BMPER: variants seen among roughly 807,000 people sequenced by gnomAD.
BMPER encodes the protein BMP-binding endothelial regulator protein.
In BMPER, 45 loss-of-function variants were observed where a neutral mutation model predicts 87.3. The ratio of observed to expected loss-of-function variants is 0.52; its 90% confidence interval spans 0.41 to 0.66. The LOEUF is 0.66. Ranked by LOEUF, BMPER falls within the 30% of genes least tolerant of loss-of-function variation. The probability of loss-of-function intolerance (pLI) is 0.00; values close to 1 mark genes in which losing one functional copy is unlikely to be tolerated. For missense variants in BMPER, 784 were observed against 867.5 expected (o/e 0.90, Z 1.21); for synonymous variants, 326 against 316.2 (o/e 1.03, Z -0.33).
intron 13 of BMPER, among the ~76,000 whole-genome samples, chr7:34,130,347 A>G (rs1236980694): frequency 1.3e-5 from 2 of 151,678 alleles, no homozygotes; most frequent in Non-Finnish European, 2.9e-5. Context: ...TGGCCACACC[A>G]CTCTTGTAAA....
intron 12 of BMPER, among the ~76,000 whole-genome samples, 198 bp from the exon 13 acceptor site, chr7:34,085,558 C>T (rs1014090519): frequency 6.6e-6 from 1 of 152,116 alleles, no homozygotes; most frequent in Admixed American, 6.6e-5. Context: ...TTCTAAGCTC[C>T]AACCAGCAAA....
Position 34,055,384 on chromosome 7 carries a change from G to A in BMPER, c.927+81G>A, listed in dbSNP as rs539802782. 115 of 1,567,712 alleles carry A rather than the reference G, an allele frequency of 7.3e-5. 1 individual carries two copies. In the South Asian group the frequency reaches 1.2e-3, roughly 17 times the overall value. ...AAGCTCCAGACACTAGGCAGATTGG[G>A]TTATCCCATAATTTCTATATACATA... On this transcript the variant is annotated intron_variant, in intron 9 of 14. Transcript: ENST00000649409.
chr7:34,122,199 T>C (rs1036381863), intron 13 of BMPER, among the ~76,000 whole-genome samples: 5 of 152,142 alleles, frequency 3.3e-5, no homozygotes, highest in Non-Finnish European at 5.9e-5. Flanking sequence ...TAGTAAGATA[T>C]CTGGGCTCCA....
At chr7:34,138,005 A>T (rs949210016) in intron 13 of BMPER, among the ~76,000 whole-genome samples, 12 of 152,120 alleles carry the variant, frequency 7.9e-5, no homozygotes, top group African/African-American at 2.9e-4. Flanking sequence ...ATCTAATAGC[A>T]CTCTCTTCAG....
At chr7:33,980,268 C>A (rs1490627112) in intron 6 of BMPER, among the ~76,000 whole-genome samples, 2 of 152,226 alleles carry the variant, frequency 1.3e-5, no homozygotes, top group Non-Finnish European at 2.9e-5. Context: ...GTCCTATTAG[C>A]TGTTCCATAT....
At chr7:34,004,964 A>G (rs545400887) in intron 6 of BMPER, among the ~76,000 whole-genome samples, 2 of 152,272 alleles carry the variant, frequency 1.3e-5, no homozygotes, top group South Asian at 2.1e-4. Context: ...AAAGCCCCCT[A>G]TAGACATCCT....
intron 2 of BMPER, among the ~76,000 whole-genome samples, chr7:33,928,959 C>T (rs1259684587): frequency 1.3e-5 from 2 of 152,160 alleles, no homozygotes; most frequent in Non-Finnish European, 2.9e-5. Context: ...TTCTTTCCTC[C>T]ACCCCCCTGC....
intron 2 of BMPER, among the ~76,000 whole-genome samples, chr7:33,936,521 T>G (rs1468096738): frequency 6.6e-6 from 1 of 152,246 alleles, no homozygotes; most frequent in Non-Finnish European, 1.5e-5. Context: ...CGCCGCTTGA[T>G]AAATCTCACA....
At chr7:34,052,377 AC>A (rs1788169275) in intron 8 of BMPER, among the ~76,000 whole-genome samples, 1 of 152,324 alleles carries the variant, frequency 6.6e-6, no homozygotes, top group South Asian at 2.1e-4. Context: ...ACAAAGATAA[AC>A]CTGGCAGTTT....
At position 34,039,323 on chromosome 7, in the gene BMPER, A is replaced by G. The variant is rs183821548; in HGVS notation, c.577-6983A>G. On this transcript the variant is annotated intron_variant, in intron 6 of 14. Coordinates refer to ENST00000649409, the MANE Select transcript of BMPER (RefSeq NM_001365308.1). ...TCCAGGAAAGTTATTAAAAATGCGC[A>G]TTCCTGGACTGTGGTTTGAGGAATC... Among the ~76,000 whole-genome samples the G allele has an allele frequency of 5.3e-5, 8 of 152,252 alleles. No individual in the cohort carries two copies. In the South Asian group the frequency reaches 1.7e-3, roughly 32 times the overall value.
Position 34,058,089 on chromosome 7 carries a change from A to G in BMPER, c.958A>G (p.Thr320Ala). 6.2e-7 allele frequency: 1 copy of G among 1,614,124 alleles called. No individual in the cohort carries two copies. Among genetic ancestry groups the G allele is most frequent in the Non-Finnish European group, 8.5e-7 (1 of 1,179,998 alleles). ...AGAGATGTGGTCCTCTATCAATTGT[A>G]CCATCTGTGCTTGTGTGAAAGGCAG... Reference protein sequence around the residue: ...DGEMWSSINCTICACVKGRTE... With the variant: ...DGEMWSSINCAICACVKGRTE... Residue 320 changes from threonine (T) to alanine (A), a missense_variant, in exon 10 of 15, where the codon ACC becomes GCC. Thr to Ala is a moderately conservative substitution (Grantham distance 58). Coordinates refer to ENST00000649409, the MANE Select transcript of BMPER (RefSeq NM_001365308.1).
intron 3 of BMPER, among the ~76,000 whole-genome samples, chr7:33,945,109 T>C (rs1038672214): frequency 6.6e-6 from 1 of 151,924 alleles, no homozygotes; most frequent in Non-Finnish European, 1.5e-5. Flanking sequence ...GCCCGGCTAA[T>C]TTTTTGTATT....
intron 14 of BMPER, among the ~76,000 whole-genome samples, chr7:34,146,490 A>G (rs1408104791): frequency 2.6e-5 from 4 of 152,224 alleles, no homozygotes; most frequent in Non-Finnish European, 5.9e-5. Flanking sequence ...CTATAGTGAA[A>G]GTATATAAAA....
At chr7:34,121,075 C>G (rs1790253727) in intron 13 of BMPER, among the ~76,000 whole-genome samples, 1 of 150,434 alleles carries the variant, frequency 6.6e-6, no homozygotes, top group Non-Finnish European at 1.5e-5. Context: ...TTAATGTATA[C>G]TTATAGATTA....
intron 6 of BMPER, among the ~76,000 whole-genome samples, chr7:34,005,862 G>T (rs1290823844): frequency 6.6e-6 from 1 of 151,870 alleles, no homozygotes; most frequent in East Asian, 1.9e-4. Context: ...TTAAGTGCTA[G>T]GAAAGCTCTT....
intron 3 of BMPER, among the ~76,000 whole-genome samples, chr7:33,943,531 A>G (rs141238845): frequency 1.0e-3 from 154 of 152,184 alleles, no homozygotes; most frequent in African/African-American, 3.6e-3. Context: ...TGTCAGGCCC[A>G]TGTGTGTCTG....
At chr7:33,997,243 A>G (rs192988974) in intron 6 of BMPER, among the ~76,000 whole-genome samples, 25 of 152,188 alleles carry the variant, frequency 1.6e-4, no homozygotes, top group African/African-American at 5.3e-4. Context: ...TATTTTTCCA[A>G]GTTAAAGCCA....
At chr7:34,121,687 T>C (rs1790266734) in intron 13 of BMPER, among the ~76,000 whole-genome samples, 1 of 152,244 alleles carries the variant, frequency 6.6e-6, no homozygotes, top group Admixed American at 6.5e-5. Context: ...CATTAATTAC[T>C]AGCCTCTGGG....
intron 2 of BMPER, among the ~76,000 whole-genome samples, chr7:33,925,750 T>C (rs1413840811): frequency 4.6e-5 from 7 of 152,198 alleles, no homozygotes; most frequent in African/African-American, 1.7e-4. Flanking sequence ...GTGAGGTTGC[T>C]ACACTTCACT....
Sources: allele counts gnomAD v4.1 joint callset (sites outside exome capture counted in the v4.1 genomes callset), GRCh38; gene constraint gnomAD v4.1.1; transcripts MANE v1.5; gene names NCBI Gene and HGNC (gene_info 2026-07-23, HGNC 2026-07-21).